Variants in ZMYND15 observed in about 807,000 individuals in gnomAD.
The protein encoded by ZMYND15 is zinc finger MYND domain-containing protein 15.
ZMYND15 carries 54 observed loss-of-function variants against 81.7 expected under a neutral mutation model. The observed-to-expected ratio is 0.66, with a 90% CI of 0.53 to 0.83. ZMYND15 has a LOEUF of 0.83. ZMYND15 is among the 40% of genes least tolerant of loss of function. ZMYND15 has a pLI of 0.00. For missense variants in ZMYND15, 925 were observed against 973.5 expected, an observed-to-expected ratio of 0.95 and a Z score of 0.66; for synonymous variants, 399 against 387.0, an observed-to-expected ratio of 1.03 and a Z score of -0.36.
Position 4,742,031 on chromosome 17 carries a change from T to C in ZMYND15, c.944T>C (p.Val315Ala). 6.2e-7 allele frequency: 1 copy of C among 1,614,162 alleles called. No homozygotes were observed. The highest frequency in any genetic ancestry group is 8.5e-7 in the Non-Finnish European group (1 of 1,180,028). ...TCCCTTCGTGCTCGAACCTGCCATG[T>C]GTGTCACAGGCACAGCTTTGAAGCG... is the stretch of plus-strand genomic sequence containing the variant. ...FASLRARTCH[V>A]CHRHSFEAKL... is the part of the protein sequence containing the mutation. The change falls in exon 4 of 14, where the codon GTG becomes GCG. Residue 315 changes from valine to alanine, a missense_variant. Physicochemically the swap from Val to Ala is moderately conservative, Grantham distance 64. Transcript: ENST00000433935.
chr17:4,745,123 C>T lies in ZMYND15; in HGVS notation c.1897-92C>T, dbSNP rs975909497. ...CCTGCTCCCCTCCGCCCGGTCTGTCCGGGGACCTCGGCTTTCAGCCCGGTC... is the reference window on the plus strand; with the variant it reads ...CCTGCTCCCCTCCGCCCGGTCTGTCTGGGGACCTCGGCTTTCAGCCCGGTC... On this transcript the variant is annotated intron_variant, in intron 12 of 13. Coordinates refer to ENST00000433935, the MANE Select transcript of ZMYND15 (RefSeq NM_001136046.3). This position sits in a 1 kb window ranked among gnomAD's most constrained non-coding sequence, Gnocchi z 5.2. The T allele has an allele frequency of 6.9e-6, 11 of 1,602,656 alleles. No individual in the cohort carries two copies. Among genetic ancestry groups the T allele is most frequent in the Non-Finnish European group, 9.4e-6 (11 of 1,173,272 alleles).
At position 4,743,376 on chromosome 17, in the gene ZMYND15, G is replaced by C. The variant is rs1166168235; in HGVS notation, c.1218G>C (p.Gln406His). The change falls in exon 6 of 14, where the codon CAG (glutamine) becomes CAC (histidine). Residue 406 changes from glutamine to histidine, a missense_variant. Transcript: ENST00000433935. The surrounding 1 kb of genome is among the most constrained non-coding windows in gnomAD (Gnocchi z 4.3). ...SRGLTRGYWT[Q>H]LSMLIPGPGF... ...GCCTCACTCGTGGCTATTGGACCCA[G>C]CTCAGCATGCTGATTCCAGGCCCGG... is the stretch of plus-strand genomic sequence containing the variant. 2 of 1,613,982 alleles carry C rather than the reference G, an allele frequency of 1.2e-6. No homozygotes were observed. Among genetic ancestry groups the C allele is most frequent in the African/African-American group, 2.7e-5 (2 of 74,898 alleles).
rs758956091 is a variant in ZMYND15 at position 4,744,250 on chromosome 17, A to G, written c.1556A>G (p.Lys519Arg). 6.2e-7 allele frequency: 1 copy of G among 1,614,120 alleles called. No homozygotes were observed. The highest frequency in any genetic ancestry group is 8.5e-7 in the Non-Finnish European group (1 of 1,180,022). The change falls in exon 9 of 14, where the codon AAG becomes AGG. Residue 519 changes from lysine to arginine, a missense_variant. Coordinates refer to ENST00000433935, the MANE Select transcript of ZMYND15 (RefSeq NM_001136046.3). The surrounding 1 kb of genome is among the most constrained non-coding windows in gnomAD (Gnocchi z 4.1). ...SLKIHVVEAG[K>R]EFDLVMVFWE... is the part of the protein sequence containing the mutation. The stretch of plus-strand genomic sequence containing the variant: ...AAGATCCACGTGGTGGAGGCCGGGA[A>G]GGAGTTTGACCTTGTCATGGTGTTT...
chr17:4,743,938 C>T lies in ZMYND15; in HGVS notation c.1379-53C>T, dbSNP rs1161970821. On this transcript the variant is annotated intron_variant, in intron 7 of 13. Transcript: ENST00000433935. The surrounding 1 kb of genome is among the most constrained non-coding windows in gnomAD (Gnocchi z 4.3). ...GGCTGTGAAGAAGAGGTTTGTTAGA[C>T]TAGAGGGGGTGGGGGTCCAGGGCCA... 32 of 1,565,864 alleles carry T rather than the reference C, an allele frequency of 2.0e-5. No individual in the cohort carries two copies. The highest frequency in any genetic ancestry group is 2.5e-5 in the Non-Finnish European group (29 of 1,151,992).
In ZMYND15 at chr17:4,745,069, C is replaced by A. The variant is rs2150631686; in HGVS notation, c.1896+141C>A. ...TGGGGAGTGCCCACGGGTCCCCCTG[C>A]CTCTCTCTGTGTCTGTCTCCGTCCT... On this transcript the variant is annotated intron_variant, in intron 12 of 13. Transcript: ENST00000433935. The surrounding 1 kb of genome is among the most constrained non-coding windows in gnomAD (Gnocchi z 5.2). 1 of 1,536,208 alleles carries A rather than the reference C, an allele frequency of 6.5e-7. No homozygotes were observed. The highest frequency in any genetic ancestry group is 8.9e-7 in the Non-Finnish European group (1 of 1,118,098).
At position 4,744,820 on chromosome 17, in the gene ZMYND15, G is replaced by C; in HGVS notation, c.1837+42G>C. On this transcript the variant is annotated intron_variant, in intron 11 of 13. Coordinates refer to ENST00000433935, the MANE Select transcript of ZMYND15 (RefSeq NM_001136046.3). This position sits in a 1 kb window ranked among gnomAD's most constrained non-coding sequence, Gnocchi z 4.1. ...CAGGGTTAGGCATGTGGGGAAGGTGGGAGAGAAGCCCACCGTGGGAGCCAG... is the reference window on the plus strand; with the variant it reads ...CAGGGTTAGGCATGTGGGGAAGGTGCGAGAGAAGCCCACCGTGGGAGCCAG... The C allele has an allele frequency of 1.2e-6, 2 of 1,614,120 alleles. No individual in the cohort carries two copies.
Position 4,743,420 on chromosome 17 carries a change from GA to G in ZMYND15, c.1263del (p.Gly422AlafsTer25), listed in dbSNP as rs758076451. 2,295 of 1,613,964 alleles carry G rather than the reference GA, an allele frequency of 1.4e-3. 2 individuals carry two copies. Among genetic ancestry groups the G allele is most frequent in the Non-Finnish European group, 1.9e-3 (2,229 of 1,179,976 alleles). ...IPGPGFSRHP[R>X]GNTPSLSLLR... ...GGCCCGGGCTTCTCCAGACACCCCC[GA>G]GGCAACACGCCATCCCTCAGCCTTC... On this transcript the variant is annotated frameshift_variant, in exon 6 of 14. Transcript: ENST00000433935. LOFTEE classifies it high-confidence loss of function. The surrounding 1 kb of genome is among the most constrained non-coding windows in gnomAD (Gnocchi z 4.3).
At position 4,743,561 on chromosome 17, in the gene ZMYND15, C is replaced by T. The variant is rs1448848068; in HGVS notation, c.1297+106C>T. The T allele has an allele frequency of 1.3e-6, 2 of 1,496,508 alleles. No individual in the cohort carries two copies. Among genetic ancestry groups the T allele is most frequent in the East Asian group, 4.5e-5 (2 of 44,076 alleles). 92.7% of individuals were successfully genotyped at this position (1,496,508 alleles called of 1,614,324 possible). Reference sequence around the variant, plus strand: ...CCTCCACATACACACTGACCCCTACCAACAGCACCAGGGCCATTTCAGGCC... The same window carrying T: ...CCTCCACATACACACTGACCCCTACTAACAGCACCAGGGCCATTTCAGGCC... On this transcript the variant is annotated intron_variant, in intron 6 of 13. Transcript: ENST00000433935. This position sits in a 1 kb window ranked among gnomAD's most constrained non-coding sequence, Gnocchi z 4.3.
chr17:4,741,181 C>T, intron 2 of ZMYND15, 41 bp downstream of exon 2: 2 of 1,395,598 alleles, frequency 1.4e-6, no homozygotes, highest in South Asian at 3.6e-5. Flanking sequence ...CCTTGCCCAG[C>T]CATCCTCCCT....
Position 4,745,052 on chromosome 17 carries a change from G to A in ZMYND15, c.1896+124G>A, listed in dbSNP as rs1326996694. ...CACCTGCTCCACAAACCTGGGGAGT[G>A]CCCACGGGTCCCCCTGCCTCTCTCT... On this transcript the variant is annotated intron_variant, in intron 12 of 13. Transcript: ENST00000433935. This position sits in a 1 kb window ranked among gnomAD's most constrained non-coding sequence, Gnocchi z 5.2. 3 of 1,526,586 alleles carry A rather than the reference G, an allele frequency of 2.0e-6. No individual in the cohort carries two copies. Among genetic ancestry groups the A allele is most frequent in the African/African-American group, 1.4e-5 (1 of 73,098 alleles). 94.6% of individuals were successfully genotyped at this position (1,526,586 alleles called of 1,614,324 possible).
At position 4,745,127 on chromosome 17, in the gene ZMYND15, G is replaced by T. The variant is rs558578778; in HGVS notation, c.1897-88G>T. ...CTCCCCTCCGCCCGGTCTGTCCGGG[G>T]ACCTCGGCTTTCAGCCCGGTCTGTC... On this transcript the variant is annotated intron_variant, in intron 12 of 13. Transcript: ENST00000433935. This position sits in a 1 kb window ranked among gnomAD's most constrained non-coding sequence, Gnocchi z 5.2. 1.9e-6 allele frequency: 3 copies of T among 1,604,594 alleles called. No individual in the cohort carries two copies. Among genetic ancestry groups the T allele is most frequent in the Non-Finnish European group, 2.6e-6 (3 of 1,174,600 alleles).
chr17:4,742,547 G>A, intron 5 of ZMYND15, 56 bp downstream of exon 5: 2 of 1,592,988 alleles, frequency 1.3e-6, no homozygotes, highest in South Asian at 1.1e-5. Context: ...CTTTGAGACT[G>A]GGAATTAGAT....
chr17:4,743,507 G>T lies in ZMYND15; in HGVS notation c.1297+52G>T. ...CCCCTTGGCCTAGAGGGAAGGACTG[G>T]GAAGAAGTTGTCTGGGTCCCAGATG... On this transcript the variant is annotated intron_variant, in intron 6 of 13. Coordinates refer to ENST00000433935, the MANE Select transcript of ZMYND15 (RefSeq NM_001136046.3). This position sits in a 1 kb window ranked among gnomAD's most constrained non-coding sequence, Gnocchi z 4.3. 6.2e-7 allele frequency: 1 copy of T among 1,602,160 alleles called. No individual in the cohort carries two copies.
rs1400800671 is a variant in ZMYND15, at chr17:4,743,526, C to G, written c.1297+71C>G. The G allele has an allele frequency of 6.3e-7, 1 of 1,583,690 alleles. No individual in the cohort carries two copies. Among genetic ancestry groups the G allele is most frequent in the Non-Finnish European group, 8.6e-7 (1 of 1,166,852 alleles). ...GGACTGGGAAGAAGTTGTCTGGGTC[C>G]CAGATGATCCCTCCACATACACACT... On this transcript the variant is annotated intron_variant, in intron 6 of 13. Transcript: ENST00000433935. The surrounding 1 kb of genome is among the most constrained non-coding windows in gnomAD (Gnocchi z 4.3).
intron 4 of ZMYND15, 122 bp from the exon 5 acceptor site, chr17:4,742,209 A>C (rs981316773): frequency 1.4e-5 from 21 of 1,528,568 alleles, no homozygotes; most frequent in Non-Finnish European, 1.8e-5. Context: ...AGACTGTTAC[A>C]GGCGGTTAGA....
rs917927276 is a variant in ZMYND15, at chr17:4,745,533, C to T, written c.2057+158C>T. On this transcript the variant is annotated intron_variant, in intron 13 of 13. Transcript: ENST00000433935. The surrounding 1 kb of genome is among the most constrained non-coding windows in gnomAD (Gnocchi z 5.2). The stretch of plus-strand genomic sequence containing the variant: ...CCTTCTCTGTCCCCACTACTCGTCG[C>T]CCCCATGGGAGGTCTCGACATCCCC... 4.6e-5 allele frequency among the ~76,000 whole-genome samples: 7 copies of T among 151,966 alleles called. No homozygotes were observed.
At position 4,744,075 on chromosome 17, in the gene ZMYND15, A is replaced by T. The variant is rs1375462948; in HGVS notation, c.1463A>T (p.Tyr488Phe). 6.4e-7 allele frequency: 1 copy of T among 1,572,558 alleles called. No individual in the cohort carries two copies. Among genetic ancestry groups the T allele is most frequent in the Admixed American group, 1.9e-5 (1 of 52,746 alleles). Residue 488 changes from tyrosine (Y) to phenylalanine (F), a missense_variant, in exon 8 of 14, where the codon TAC becomes TTC. Coordinates refer to ENST00000433935, the MANE Select transcript of ZMYND15 (RefSeq NM_001136046.3). This position sits in a 1 kb window ranked among gnomAD's most constrained non-coding sequence, Gnocchi z 4.1. ...CTTCTCACCTACCCGCTGACCGTGTACTACGTCATCACCCACCTGGTGCCC... is the reference window on the plus strand; with the variant it reads ...CTTCTCACCTACCCGCTGACCGTGTTCTACGTCATCACCCACCTGGTGCCC... ...AVLLTYPLTV[Y>F]YVITHLVPQS...
Position 4,745,486 on chromosome 17 carries a change from C to G in ZMYND15, c.2057+111C>G. On this transcript the variant is annotated intron_variant, in intron 13 of 13. Transcript: ENST00000433935. This position sits in a 1 kb window ranked among gnomAD's most constrained non-coding sequence, Gnocchi z 5.2. ...TAGTCCCTGCTGTCCTGGGGCCCTC[C>G]TGCCCCCAGCCCAGCAACCTGCCTT... The G allele has an allele frequency of 7.5e-7, 1 of 1,340,800 alleles. No homozygotes were observed. The highest frequency in any genetic ancestry group is 1.0e-6 in the Non-Finnish European group (1 of 987,924). The allele number at this position is 1,340,800 out of a possible 1,614,324, so 83.1% of individuals were successfully genotyped here.
Position 4,744,649 on chromosome 17 carries a change from C to G in ZMYND15, c.1708C>G (p.Pro570Ala), listed in dbSNP as rs760844355. Reference sequence around the variant, plus strand: ...GGACAGCCTGGAGGTGTCTGTCCGGCCTGGTTCCGGCATATCAGCACGGCC... The same window carrying G: ...GGACAGCCTGGAGGTGTCTGTCCGGGCTGGTTCCGGCATATCAGCACGGCC... ...QRDSLEVSVR[P>A]GSGISARPSS... The change falls in exon 11 of 14, where the codon CCT (proline) becomes GCT (alanine). Residue 570 changes from proline to alanine, a missense_variant. By Grantham distance (27) the Pro-to-Ala change is conservative (BLOSUM62 -1). Transcript: ENST00000433935. The surrounding 1 kb of genome is among the most constrained non-coding windows in gnomAD (Gnocchi z 4.1). 1 of 1,613,054 alleles carries G rather than the reference C, an allele frequency of 6.2e-7. No individual in the cohort carries two copies. The highest frequency in any genetic ancestry group is 8.5e-7 in the Non-Finnish European group (1 of 1,179,944).
Sources: allele counts gnomAD v4.1 joint callset (sites outside exome capture counted in the v4.1 genomes callset), GRCh38; gene constraint gnomAD v4.1.1; non-coding constraint Gnocchi (gnomAD v3.1); transcripts MANE v1.5; gene names NCBI Gene and HGNC (gene_info 2026-07-23, HGNC 2026-07-21).